The following MAP3K7CL variants were observed in gnomAD, a reference collection of about 807,000 sequenced individuals.
MAP3K7CL encodes the protein MAP3K7 C-terminal like, also known as MAP3K7 C-terminal-like protein.
MAP3K7CL carries 16 observed loss-of-function variants against 18.6 expected under a neutral mutation model. That is an observed-to-expected ratio of 0.86 (90% CI 0.58 to 1.31). The LOEUF is 1.31. Among genes scored for constraint, MAP3K7CL ranks in the 50% most tolerant of loss-of-function variants. The pLI is 0.00. For synonymous variants in MAP3K7CL, 65 were observed against 66.8 expected, an observed-to-expected ratio of 0.97 and a Z score of 0.13; for missense variants, 163 against 174.4, an observed-to-expected ratio of 0.93 and a Z score of 0.37.
chr21:29,081,417 G>A (rs1200791124), upstream of MAP3K7CL, among the ~76,000 whole-genome samples: 2 of 152,240 alleles, frequency 1.3e-5, no homozygotes, highest in African/African-American at 4.8e-5. Flanking sequence ...GCTGGGCATG[G>A]TGGCAGGCGC....
rs1460368391 is a variant in MAP3K7CL, at chr21:29,120,202, G to A, written c.370+27621G>A. Among the ~76,000 whole-genome samples the A allele has an allele frequency of 4.0e-5, 6 of 150,638 alleles. No individual in the cohort carries two copies. In the East Asian group the frequency reaches 9.8e-4, roughly 25 times the overall value. ...GAATTTTCTTTTTTTTTTTGAGACA[G>A]AGTCCTGCAATCTATTGGTATCTTT... On this transcript the variant is annotated intron_variant, in intron 4 of 6. Transcript: ENST00000286791.
chr21:29,147,647 GTGTACTGTATATGTATC>G (rs2087165909), intron 2 of MAP3K7CL, among the ~76,000 whole-genome samples: 1 of 151,336 alleles, frequency 6.6e-6, no homozygotes, highest in Non-Finnish European at 1.5e-5. Flanking sequence ...TACTGTATGT[GTGTACTGTATATGTATC>G]TGTACTGTCT....
intron 1 of MAP3K7CL, chr21:29,080,685 A>G (rs996474794): frequency 6.6e-6 from 1 of 151,966 alleles, no homozygotes; most frequent in East Asian, 1.9e-4. Flanking sequence ...CACCTTGCTG[A>G]TCATTCGTAG....
At chr21:29,088,176 A>G (rs1330479916) in intron 1 of MAP3K7CL, among the ~76,000 whole-genome samples, 1 of 152,212 alleles carries the variant, frequency 6.6e-6, no homozygotes, top group Non-Finnish European at 1.5e-5. Context: ...ACTCTGATCA[A>G]GATAGATGCT....
rs962689907 is a variant in MAP3K7CL at position 29,159,835 on chromosome 21, A to G, written c.133-106A>G. 108 of 788,092 alleles carry G rather than the reference A, an allele frequency of 1.4e-4. No individual in the cohort carries two copies. The East Asian group carries it at 1.9e-3, about 14-fold the overall frequency. The allele number at this position is 788,092 out of a possible 1,614,324, so 48.8% of individuals were successfully genotyped here. A position where few individuals can be genotyped will look rare whatever the true frequency, so the allele number is the denominator to read the frequency against. On this transcript the variant is annotated intron_variant, in intron 3 of 4. Transcript: ENST00000399928. The stretch of plus-strand genomic sequence containing the variant: ...ATGCTGTTCTCACGTTAAAAAAAAA[A>G]AAGAAGAAGAAAAAACCTTCGTTTA...
At chr21:29,079,700 G>A (rs772131867) in intron 1 of MAP3K7CL, among the ~76,000 whole-genome samples, 6 of 152,206 alleles carry the variant, frequency 3.9e-5, no homozygotes, top group Non-Finnish European at 8.8e-5. Context: ...AGAATGCTCT[G>A]TGGCTGTTTT....
At chr21:29,120,422 A>C (rs956638218) in intron 4 of MAP3K7CL, among the ~76,000 whole-genome samples, 9 of 152,214 alleles carry the variant, frequency 5.9e-5, no homozygotes, top group Non-Finnish European at 1.3e-4. Flanking sequence ...CAAATCATTG[A>C]AACTTTGTAA....
intron 1 of MAP3K7CL, among the ~76,000 whole-genome samples, chr21:29,087,885 G>T (rs138804821): frequency 2.0e-5 from 3 of 152,090 alleles, no homozygotes; most frequent in Non-Finnish European, 2.9e-5. Flanking sequence ...GAGCCACCGC[G>T]CCCGGTCGTG....
upstream of MAP3K7CL, among the ~76,000 whole-genome samples, chr21:29,083,127 G>C (rs894733996): frequency 6.6e-6 from 1 of 152,106 alleles, no homozygotes; most frequent in African/African-American, 2.4e-5. Flanking sequence ...AAAGGTACTT[G>C]GGTGTTTTGC....
intron 1 of MAP3K7CL, among the ~76,000 whole-genome samples, chr21:29,078,039 C>T (rs1005333616): frequency 6.6e-6 from 1 of 152,006 alleles, no homozygotes; most frequent in East Asian, 1.9e-4. Flanking sequence ...AAAGTTTTAA[C>T]CCCTGTACGT....
In MAP3K7CL at chr21:29,095,328, AGCCTGTGG is replaced by A. The variant is rs570269889; in HGVS notation, c.370+2750_370+2757del. Among the ~76,000 whole-genome samples the A allele has an allele frequency of 5.2e-3, 786 of 152,092 alleles. 7 individuals carry two copies. The highest frequency in any genetic ancestry group is 0.018 in the African/African-American group (749 of 41,456). On this transcript the variant is annotated intron_variant, in intron 4 of 6. Coordinates refer to the MAP3K7CL transcript ENST00000286791. ...TACTCCTAGCCCTTTCCCGTTTCCC[AGCCTGTGG>A]GCTATAAAGAGGCAGGAGCCTTTTG...
chr21:29,099,938 C>A (rs951010670), intron 4 of MAP3K7CL, among the ~76,000 whole-genome samples: 1 of 152,066 alleles, frequency 6.6e-6, no homozygotes, highest in Non-Finnish European at 1.5e-5. Context: ...AAAAAATTAG[C>A]CGGGCGTGGT....
At chr21:29,116,216 A>T (rs1601182198) in intron 4 of MAP3K7CL, among the ~76,000 whole-genome samples, 1 of 152,204 alleles carries the variant, frequency 6.6e-6, no homozygotes, top group Admixed American at 6.5e-5. Flanking sequence ...AGCTATACTA[A>T]CTCTGTCACT....
intron 4 of MAP3K7CL, among the ~76,000 whole-genome samples, chr21:29,162,880 G>A (rs117309563): frequency 5.2e-4 from 78 of 149,910 alleles, no homozygotes; most frequent in Admixed American, 1.7e-3. Flanking sequence ...AAAGGCAGGC[G>A]GATCACCTGA....
At chr21:29,080,590 A>C (rs1203912845) in intron 1 of MAP3K7CL, 1 of 152,112 alleles carries the variant, frequency 6.6e-6, no homozygotes, top group Non-Finnish European at 1.5e-5. Flanking sequence ...ACAGCTTCGT[A>C]ATCCTGGCTT....
intron 4 of MAP3K7CL, among the ~76,000 whole-genome samples, chr21:29,165,955 A>G (rs1249636983): frequency 6.6e-6 from 1 of 152,246 alleles, no homozygotes; most frequent in Non-Finnish European, 1.5e-5. Context: ...GTAATGATCA[A>G]ATCAGTGTAA....
chr21:29,158,354 G>T (rs902141561), intron 3 of MAP3K7CL, among the ~76,000 whole-genome samples: 1 of 152,184 alleles, frequency 6.6e-6, no homozygotes, highest in African/African-American at 2.4e-5. Context: ...TATAGAAAGG[G>T]ATGATGGTTC....
At chr21:29,170,376 A>T (rs2087795067) in intron 4 of MAP3K7CL, among the ~76,000 whole-genome samples, 1 of 152,238 alleles carries the variant, frequency 6.6e-6, no homozygotes, top group Admixed American at 6.5e-5. Context: ...CAAATTGTAA[A>T]AATCTATGAT....
rs748166183 is a variant in MAP3K7CL, at chr21:29,089,168, C to CAAAAAAAAAAAAA, written c.58-2312_58-2300dup. On this transcript the variant is annotated intron_variant, in intron 1 of 6. Transcript: ENST00000286791. ...CTGGTGACAGAGCGAGACTCCGTCT[C>CAAAAAAAAAAAAA]AAAAAAAAAAAAAAAAAAAAAAAAA... is the stretch of plus-strand genomic sequence containing the variant. Among the ~76,000 whole-genome samples, 22 of 68,524 alleles carry CAAAAAAAAAAAAA rather than the reference C, an allele frequency of 3.2e-4. 2 individuals carry two copies. The highest frequency in any genetic ancestry group is 7.3e-4 in the South Asian group (1 of 1,372). The allele number at this position is 68,524 out of a possible 152,430, so 45.0% of individuals were successfully genotyped here. A position where few individuals can be genotyped will look rare whatever the true frequency, so the allele number is the denominator to read the frequency against.
Sources: gnomAD v4.1 joint callset for allele counts (sites outside exome capture counted in the v4.1 genomes callset) on GRCh38, gnomAD v4.1.1 for gene constraint, MANE v1.5 for transcripts, NCBI Gene and HGNC (gene_info 2026-07-23, HGNC 2026-07-21) for gene names.